The following PRPSAP2 variants were observed in gnomAD, a reference collection of about 807,000 sequenced individuals.
PRPSAP2 encodes the protein phosphoribosyl pyrophosphate synthetase associated protein 2.
Under a neutral mutation model 40.6 loss-of-function variants are expected in PRPSAP2, and 24 were observed. The observed-to-expected ratio is 0.59, with a 90% CI of 0.43 to 0.83. The LOEUF is 0.83. Ranked by LOEUF, PRPSAP2 falls within the 40% of genes least tolerant of loss-of-function variation. The probability of loss-of-function intolerance (pLI) is 0.00; values close to 1 mark genes in which losing one functional copy is unlikely to be tolerated. For synonymous variants in PRPSAP2, 149 were observed against 164.7 expected (o/e 0.90, Z 0.73); for missense variants, 292 against 465.6 (o/e 0.63, Z 3.43).
intron 7 of PRPSAP2, among the ~76,000 whole-genome samples, chr17:18,883,622 G>A (rs1034069719): frequency 6.6e-6 from 1 of 151,900 alleles, no homozygotes; most frequent in Non-Finnish European, 1.5e-5. Context: ...CGCTGACCTC[G>A]TGATCTGCCT....
At chr17:18,879,451 A>G (rs2151905624) in intron 6 of PRPSAP2, among the ~76,000 whole-genome samples, 1 of 144,712 alleles carries the variant, frequency 6.9e-6, no homozygotes, top group African/African-American at 2.6e-5. Context: ...TGCCCAACTA[A>G]TTATTATTAT....
At chr17:18,922,012 C>G (rs2041713739) in intron 9 of PRPSAP2, among the ~76,000 whole-genome samples, 1 of 152,212 alleles carries the variant, frequency 6.6e-6, no homozygotes, top group South Asian at 2.1e-4. Flanking sequence ...CTGGCAACCA[C>G]TTACCTCTTT....
At chr17:18,903,829 G>A (rs559902625) in intron 8 of PRPSAP2, among the ~76,000 whole-genome samples, 2 of 152,318 alleles carry the variant, frequency 1.3e-5, no homozygotes, top group Admixed American at 6.5e-5. Context: ...ATATCCCGTA[G>A]CTATGTGGTG....
chr17:18,877,946 G>C, intron 6 of PRPSAP2, 76 bp downstream of exon 6: 1 of 1,447,652 alleles, frequency 6.9e-7, no homozygotes, highest in Non-Finnish European at 9.4e-7. Context: ...TTTTAAGACA[G>C]GGTCTTGCCC....
chr17:18,891,088 T>A (rs2039517856), intron 8 of PRPSAP2, among the ~76,000 whole-genome samples: 1 of 152,244 alleles, frequency 6.6e-6, no homozygotes, highest in Non-Finnish European at 1.5e-5. Context: ...AAAAGCCCTT[T>A]TAAAGTTATT....
intron 8 of PRPSAP2, among the ~76,000 whole-genome samples, chr17:18,901,548 T>G (rs1374635798): frequency 6.6e-6 from 1 of 151,924 alleles, no homozygotes; most frequent in Admixed American, 6.6e-5. Context: ...CCTGGCTAAT[T>G]TTTGTATTTT....
Position 18,908,658 on chromosome 17 carries a change from G to A in PRPSAP2, c.585-2445G>A. 4.2e-6 allele frequency: 3 copies of A among 721,716 alleles called. No homozygotes were observed. In the South Asian group the frequency reaches 4.4e-5, roughly 11 times the overall value. 44.7% of individuals were successfully genotyped at this position (721,716 alleles called of 1,614,324 possible). On this transcript the variant is annotated intron_variant, in intron 8 of 11. Transcript: ENST00000268835. ...ACACCCACGCCGACTTCGCCAACGA[G>A]TGCCCCAAGCCAGAGCTGCTGGCCA...
intron 7 of PRPSAP2, among the ~76,000 whole-genome samples, chr17:18,885,429 A>AAAAAAT (rs59891086): frequency 0.057 from 6,257 of 109,210 alleles, 1,052 homozygotes; most frequent in Non-Finnish European, 0.075. Flanking sequence ...AAAAAAAAAA[A>AAAAAAT]TTAATATGTG....
At chr17:18,866,178 C>G (rs530866924) in intron 3 of PRPSAP2, among the ~76,000 whole-genome samples, 3 of 151,854 alleles carry the variant, frequency 2.0e-5, no homozygotes, top group Non-Finnish European at 4.4e-5. Flanking sequence ...TATCCCATCT[C>G]CCTACATATT....
chr17:18,892,291 T>G (rs1248522651), intron 8 of PRPSAP2, among the ~76,000 whole-genome samples: 1 of 152,144 alleles, frequency 6.6e-6, no homozygotes, highest in East Asian at 1.9e-4. Flanking sequence ...TGGTCAGTCA[T>G]GGATTAGTTT....
chr17:18,919,195 G>A (rs1370704933), intron 9 of PRPSAP2, among the ~76,000 whole-genome samples: 1 of 151,966 alleles, frequency 6.6e-6, no homozygotes, highest in Admixed American at 6.6e-5. Flanking sequence ...GCACAACCCC[G>A]TTTCTACAAA....
intron 7 of PRPSAP2, among the ~76,000 whole-genome samples, chr17:18,889,391 T>G (rs2039394114): frequency 6.6e-6 from 1 of 152,230 alleles, no homozygotes; most frequent in Non-Finnish European, 1.5e-5. Flanking sequence ...TTTAACAAAT[T>G]GGTTGCTTCA....
chr17:18,864,201 C>T (rs567662564), intron 1 of PRPSAP2, among the ~76,000 whole-genome samples: 1 of 151,794 alleles, frequency 6.6e-6, no homozygotes, highest in African/African-American at 2.4e-5. Flanking sequence ...TAGAAAAAGT[C>T]TTATGTTGTC....
chr17:18,867,521 C>G (rs1431374027), intron 4 of PRPSAP2, among the ~76,000 whole-genome samples, 187 bp downstream of exon 4: 3 of 152,174 alleles, frequency 2.0e-5, no homozygotes, highest in South Asian at 4.1e-4. Flanking sequence ...ATATCTAACC[C>G]TGGTGCAAGT....
chr17:18,875,237 A>G (rs1036740380), intron 5 of PRPSAP2, among the ~76,000 whole-genome samples: 1 of 152,078 alleles, frequency 6.6e-6, no homozygotes, highest in Non-Finnish European at 1.5e-5. Flanking sequence ...TCTGGACGTC[A>G]TGGTCTTCTT....
intron 10 of PRPSAP2, among the ~76,000 whole-genome samples, chr17:18,927,571 G>A (rs1042458097): frequency 6.6e-6 from 1 of 152,106 alleles, no homozygotes; most frequent in Non-Finnish European, 1.5e-5. Context: ...TTCCAGGTTG[G>A]GGCTATTATA....
intron 8 of PRPSAP2, among the ~76,000 whole-genome samples, chr17:18,897,553 C>G (rs1156831284): frequency 6.6e-6 from 1 of 151,992 alleles, no homozygotes; most frequent in Non-Finnish European, 1.5e-5. Flanking sequence ...CCTCCACCTC[C>G]CAGGTTCAAG....
chr17:18,884,932 A>C (rs929262794), intron 7 of PRPSAP2, among the ~76,000 whole-genome samples: 3 of 152,128 alleles, frequency 2.0e-5, no homozygotes, highest in Non-Finnish European at 2.9e-5. Context: ...TGGCAATTGC[A>C]CCTCTTAAGG....
upstream of PRPSAP2, chr17:18,857,890 T>G (rs1364463207): frequency 2.0e-5 from 3 of 152,424 alleles, no homozygotes; most frequent in Admixed American, 2.0e-4. Context: ...CTGTCCACAT[T>G]CATTCCTTGT....
Sources: gnomAD v4.1 joint callset for allele counts (sites outside exome capture counted in the v4.1 genomes callset) on GRCh38, gnomAD v4.1.1 for gene constraint, MANE v1.5 for transcripts, NCBI Gene and HGNC (gene_info 2026-07-23, HGNC 2026-07-21) for gene names.